NAV2: variants seen among roughly 807,000 people sequenced by gnomAD.
NAV2 encodes the protein neuron navigator 2.
NAV2 carries 54 observed loss-of-function variants against 223.2 expected under a neutral mutation model. The ratio of observed to expected loss-of-function variants is 0.24; its 90% CI spans 0.19 to 0.30. The LOEUF is 0.30. Ranked by LOEUF, NAV2 falls within the 10% of genes least tolerant of loss-of-function variation. The pLI is 1.00. For synonymous variants in NAV2, 1,279 were observed against 1,239.3 expected, an observed-to-expected ratio of 1.03 and a Z score of -0.67; for missense variants, 2,806 against 3,147.5, an observed-to-expected ratio of 0.89 and a Z score of 2.60.
At chr11:19,367,754 A>G (rs918424653) in intron 1 of NAV2, among the ~76,000 whole-genome samples, 1 of 152,162 alleles carries the variant, frequency 6.6e-6, no homozygotes, top group African/African-American at 2.4e-5. Flanking sequence ...CCCAATATTT[A>G]GGGTTTGTAT....
intron 1 of NAV2, among the ~76,000 whole-genome samples, chr11:19,573,163 T>C (rs573835065): frequency 1.3e-3 from 202 of 152,298 alleles, no homozygotes; most frequent in African/African-American, 4.6e-3. Context: ...CACCCAGACA[T>C]CTGTGTGGCT....
At chr11:19,676,899 C>T (rs1294916638) in intron 1 of NAV2, among the ~76,000 whole-genome samples, 1 of 152,208 alleles carries the variant, frequency 6.6e-6, no homozygotes, top group Non-Finnish European at 1.5e-5. Context: ...AGCTTCCTGA[C>T]TCTCCTTAGA....
intron 1 of NAV2, chr11:19,505,401 T>C (rs2043092653): frequency 6.6e-6 from 1 of 152,194 alleles, no homozygotes; most frequent in Admixed American, 6.5e-5. Context: ...AGACACTGCA[T>C]ATGTGGTTTT....
intron 1 of NAV2, among the ~76,000 whole-genome samples, chr11:19,820,405 GC>G (rs1172325425): frequency 6.6e-6 from 1 of 152,256 alleles, no homozygotes; most frequent in African/African-American, 2.4e-5. Flanking sequence ...CTTTCTGGCA[GC>G]TAGTAGAGAT....
At chr11:19,789,112 G>A (rs1393785703) in intron 1 of NAV2, among the ~76,000 whole-genome samples, 1 of 151,934 alleles carries the variant, frequency 6.6e-6, no homozygotes, top group Non-Finnish European at 1.5e-5. Flanking sequence ...CATCTTTCTT[G>A]AGGAAGAGAG....
At chr11:19,605,565 A>G (rs1274346993) in intron 1 of NAV2, among the ~76,000 whole-genome samples, 2 of 151,586 alleles carry the variant, frequency 1.3e-5, no homozygotes, top group Non-Finnish European at 2.9e-5. Context: ...AGTCATGAAA[A>G]GCTGCATAAG....
chr11:19,887,775 A>T (rs2041140186), intron 5 of NAV2, among the ~76,000 whole-genome samples: 1 of 151,996 alleles, frequency 6.6e-6, no homozygotes, highest in Non-Finnish European at 1.5e-5. Flanking sequence ...TGGGCTGAAA[A>T]GCAGATGCCA....
At chr11:19,617,435 TGGG>T (rs1038288977) in intron 1 of NAV2, among the ~76,000 whole-genome samples, 2 of 152,072 alleles carry the variant, frequency 1.3e-5, no homozygotes, top group Admixed American at 6.5e-5. Context: ...TGTCTGGTAA[TGGG>T]GGGATAACAG....
intron 6 of NAV2, among the ~76,000 whole-genome samples, chr11:19,894,049 A>G (rs984059847): frequency 1.3e-5 from 2 of 152,296 alleles, no homozygotes; most frequent in Non-Finnish European, 2.9e-5. Flanking sequence ...TTGTGTGTGT[A>G]TATATATATG....
chr11:19,661,190 C>A lies in NAV2; in HGVS notation c.76-171294C>A, dbSNP rs140925499. ...TCTAGGTACCTCACATGAATGGAAT[C>A]CTATAGTGTTTTCTCTTTTGTGTCT... On this transcript the variant is annotated intron_variant, in intron 1 of 37. Transcript: ENST00000360655. 5.6e-4 allele frequency among the ~76,000 whole-genome samples: 85 copies of A among 152,284 alleles called. No homozygotes were observed. In the East Asian group the frequency reaches 0.012, roughly 22 times the overall value.
At chr11:19,931,419 AG>A (rs1290039494) in intron 6 of NAV2, among the ~76,000 whole-genome samples, 4 of 152,156 alleles carry the variant, frequency 2.6e-5, no homozygotes, top group African/African-American at 4.8e-5. Flanking sequence ...GGCTTCCCCG[AG>A]CAGCTGAGAG....
intron 1 of NAV2, among the ~76,000 whole-genome samples, chr11:19,749,865 C>T (rs968098182): frequency 1.3e-5 from 2 of 152,210 alleles, no homozygotes; most frequent in South Asian, 2.1e-4. Flanking sequence ...TTGTCATCTG[C>T]GGAGAGGCCT....
At chr11:19,433,377 G>A (rs931805489) in intron 1 of NAV2, among the ~76,000 whole-genome samples, 3 of 152,138 alleles carry the variant, frequency 2.0e-5, no homozygotes, top group African/African-American at 4.8e-5. Context: ...GCATTTGATG[G>A]GGCACCAACA....
intron 11 of NAV2, among the ~76,000 whole-genome samples, chr11:20,002,655 T>G (rs1475055825): frequency 6.6e-6 from 1 of 152,078 alleles, no homozygotes; most frequent in Non-Finnish European, 1.5e-5. Flanking sequence ...GGAGTTTTGT[T>G]CTCTGGGAAA....
intron 7 of NAV2, 136 bp from the exon 8 acceptor site, chr11:19,939,525 T>A: frequency 1.6e-6 from 1 of 609,256 alleles, no homozygotes; most frequent in East Asian, 2.9e-5. Flanking sequence ...TTATTTAGCG[T>A]CAGTCTGCTG....
chr11:19,889,467 G>T (rs962957516), intron 5 of NAV2, among the ~76,000 whole-genome samples: 1 of 151,748 alleles, frequency 6.6e-6, no homozygotes, highest in Admixed American at 6.6e-5. Context: ...GAGTGTAGAG[G>T]CGATAGTGGT....
chr11:19,950,873 T>A (rs1196210581), intron 10 of NAV2, among the ~76,000 whole-genome samples: 1 of 152,172 alleles, frequency 6.6e-6, no homozygotes, highest in Non-Finnish European at 1.5e-5. Flanking sequence ...TACGGGCAGC[T>A]GTGTAGAAAT....
chr11:19,711,776 C>T (rs1016651796), upstream of NAV2: 1 of 152,178 alleles, frequency 6.6e-6, no homozygotes, highest in African/African-American at 2.4e-5. Context: ...TCTTACATTG[C>T]CAGGTACTTG....
chr11:19,414,239 G>A (rs184888933), intron 1 of NAV2, among the ~76,000 whole-genome samples: 192 of 152,230 alleles, frequency 1.3e-3, no homozygotes, highest in African/African-American at 4.3e-3. Context: ...CAAGCAAATG[G>A]AAAGCAAAAA....
Sources: gnomAD v4.1 joint callset for allele counts (sites outside exome capture counted in the v4.1 genomes callset) on GRCh38, gnomAD v4.1.1 for gene constraint, MANE v1.5 for transcripts, NCBI Gene and HGNC (gene_info 2026-07-23, HGNC 2026-07-21) for gene names.